GRM5: variants seen among roughly 807,000 people sequenced by gnomAD.
GRM5 encodes the protein glutamate metabotropic receptor 5, also known as metabotropic glutamate receptor 5.
A neutral mutation model predicts 83.1 loss-of-function variants in GRM5; 19 were observed. The observed-to-expected ratio is 0.23, with a 90% confidence interval of 0.16 to 0.34. The LOEUF is 0.34. Ranked by LOEUF, GRM5 falls within the 10% of genes least tolerant of loss-of-function variation. GRM5 has a pLI of 1.00. For synonymous variants in GRM5, 675 were observed against 633.6 expected (o/e 1.07, Z -0.98); for missense variants, 1,160 against 1,588.3 (o/e 0.73, Z 4.58).
At chr11:88,795,443 C>T (rs1219794852) in intron 3 of GRM5, among the ~76,000 whole-genome samples, 2 of 152,050 alleles carry the variant, frequency 1.3e-5, no homozygotes. Context: ...TGACCATGAA[C>T]AAAGATACTC....
chr11:88,987,628 G>C (rs1432242261), intron 2 of GRM5, among the ~76,000 whole-genome samples: 2 of 152,036 alleles, frequency 1.3e-5, no homozygotes, highest in African/African-American at 2.4e-5. Flanking sequence ...GCTTTGAAGA[G>C]AGCAGTGGTT....
intron 2 of GRM5, among the ~76,000 whole-genome samples, chr11:88,913,353 A>C (rs1441487715): frequency 6.6e-6 from 1 of 152,096 alleles, no homozygotes; most frequent in Non-Finnish European, 1.5e-5. Context: ...AGGCAAACTC[A>C]TGCAGAGGGT....
At chr11:88,745,948 T>C (rs529386622) in intron 3 of GRM5, among the ~76,000 whole-genome samples, 29 of 152,230 alleles carry the variant, frequency 1.9e-4, no homozygotes, top group Non-Finnish European at 3.5e-4. Flanking sequence ...GTGTCTTGGT[T>C]CCCTCATCTT....
At chr11:88,961,905 C>T (rs1047768613) in intron 2 of GRM5, among the ~76,000 whole-genome samples, 10 of 152,224 alleles carry the variant, frequency 6.6e-5, no homozygotes, top group Non-Finnish European at 1.5e-4. Flanking sequence ...GCTGAGAATT[C>T]GATGATGGTA....
chr11:88,790,075 G>A (rs1385860961), intron 3 of GRM5, among the ~76,000 whole-genome samples: 1 of 152,084 alleles, frequency 6.6e-6, no homozygotes, highest in Non-Finnish European at 1.5e-5. Flanking sequence ...TGTTGGCCAG[G>A]CTGGCCTTCA....
At chr11:88,952,808 G>A (rs561871669) in intron 2 of GRM5, among the ~76,000 whole-genome samples, 21 of 151,354 alleles carry the variant, frequency 1.4e-4, no homozygotes, top group Non-Finnish European at 2.5e-4. Flanking sequence ...TTTCTTAAAT[G>A]AGAAAAAAAG....
At chr11:88,583,647 G>C (rs900251358) in intron 7 of GRM5, among the ~76,000 whole-genome samples, 1 of 152,070 alleles carries the variant, frequency 6.6e-6, no homozygotes, top group African/African-American at 2.4e-5. Flanking sequence ...CTTTGGACTG[G>C]GGACCTAAAG....
intron 9 of GRM5, among the ~76,000 whole-genome samples, chr11:88,510,801 C>A (rs1265094807): frequency 6.6e-6 from 1 of 152,206 alleles, no homozygotes; most frequent in Admixed American, 6.5e-5. Context: ...CAGGCGTGAG[C>A]CACTGCGTCT....
chr11:88,557,033 G>T (rs1942645748), intron 8 of GRM5, among the ~76,000 whole-genome samples: 1 of 152,140 alleles, frequency 6.6e-6, no homozygotes, highest in Non-Finnish European at 1.5e-5. Context: ...ACATGCTTGA[G>T]AAAATAAATC....
chr11:88,606,261 G>A (rs918581075), intron 4 of GRM5, among the ~76,000 whole-genome samples: 5 of 152,314 alleles, frequency 3.3e-5, no homozygotes, highest in South Asian at 2.1e-4. Flanking sequence ...GGTGGCTCAC[G>A]CCTGTAATCC....
chr11:88,949,199 G>T (rs1373823047), intron 2 of GRM5, among the ~76,000 whole-genome samples: 2 of 152,224 alleles, frequency 1.3e-5, no homozygotes, highest in African/African-American at 4.8e-5. Context: ...TAGTCCAGGT[G>T]TTGTCCAGAG....
chr11:88,921,128 A>C (rs1448269469), intron 2 of GRM5, among the ~76,000 whole-genome samples: 2 of 152,084 alleles, frequency 1.3e-5, no homozygotes, highest in Non-Finnish European at 2.9e-5. Flanking sequence ...GTGTGATTAA[A>C]AACAATATTG....
Position 88,801,018 on chromosome 11 carries a change from A to T in GRM5, c.911+48888T>A, listed in dbSNP as rs538417159. Among the ~76,000 whole-genome samples the T allele has an allele frequency of 1.1e-4, 16 of 152,276 alleles. No individual in the cohort carries two copies. The South Asian group carries it at 3.1e-3, about 30-fold the overall frequency. On this transcript the variant is annotated intron_variant, in intron 3 of 9. Coordinates refer to ENST00000305447, the MANE Select transcript of GRM5 (RefSeq NM_001143831.3). The stretch of plus-strand genomic sequence containing the variant: ...GATTGTTTCTACTGATAAATGCTAT[A>T]TGCTTCAGGTATGTTTTATAGAAAT...
At chr11:88,687,572 TATATATAATATA>T (rs367585276) in intron 3 of GRM5, among the ~76,000 whole-genome samples, 5,684 of 30,396 alleles carry the variant, frequency 0.19, 1,911 homozygotes, top group African/African-American at 0.56. Context: ...TATATATATA[TATATATAATATA>T]TATATATATA....
chr11:88,855,881 C>T (rs191131993), intron 2 of GRM5, among the ~76,000 whole-genome samples: 12 of 151,808 alleles, frequency 7.9e-5, no homozygotes, highest in Admixed American at 2.6e-4. Context: ...TAGGTACTTA[C>T]GTATTTCTTG....
intron 3 of GRM5, among the ~76,000 whole-genome samples, chr11:88,815,857 G>T (rs1022063891): frequency 5.3e-5 from 8 of 152,138 alleles, no homozygotes; most frequent in African/African-American, 1.9e-4. Context: ...AATGTTTGGG[G>T]GACAAGCATG....
chr11:88,731,879 T>C (rs1190357928), intron 3 of GRM5, among the ~76,000 whole-genome samples: 1 of 152,044 alleles, frequency 6.6e-6, no homozygotes, highest in African/African-American at 2.4e-5. Flanking sequence ...ATTTATTCCT[T>C]TTAGGCTATA....
intron 3 of GRM5, among the ~76,000 whole-genome samples, chr11:88,729,359 G>GC (rs1225727441): frequency 2.8e-5 from 4 of 145,202 alleles, no homozygotes; most frequent in Non-Finnish European, 6.2e-5. Flanking sequence ...ACAAACCACT[G>GC]CCCAAAAAAA....
intron 3 of GRM5, among the ~76,000 whole-genome samples, chr11:88,717,189 A>G (rs907187974): frequency 1.3e-5 from 2 of 151,916 alleles, no homozygotes; most frequent in Admixed American, 6.6e-5. Context: ...TTCATTACAG[A>G]TAATCAATAT....
Sources: allele counts gnomAD v4.1 joint callset (sites outside exome capture counted in the v4.1 genomes callset), GRCh38; gene constraint gnomAD v4.1.1; transcripts MANE v1.5; gene names NCBI Gene and HGNC (gene_info 2026-07-23, HGNC 2026-07-21).